Variants in PCDH11X observed in about 807,000 individuals in gnomAD.
PCDH11X encodes protocadherin-11 X-linked.
In PCDH11X, 18 loss-of-function variants were observed where a neutral mutation model predicts 53.3. The ratio of observed to expected loss-of-function variants is 0.34; its 90% confidence interval spans 0.23 to 0.50. PCDH11X has a LOEUF of 0.50. PCDH11X is among the 20% of genes least tolerant of loss of function. The pLI, the probability that PCDH11X is intolerant of heterozygous loss-of-function variation, is 0.98. For synonymous variants in PCDH11X, 279 were observed against 393.3 expected (o/e 0.71, Z 3.44); for missense variants, 570 against 1,032.4 (o/e 0.55, Z 6.14).
At chrX:92,255,131 T>C (rs1328189752) in intron 7 of PCDH11X, among the ~76,000 whole-genome samples, 2 of 106,683 alleles carry the variant, frequency 1.9e-5, no homozygotes, top group African/African-American at 6.9e-5. Context: ...TTGGAGGCTT[T>C]GCTCGTTTCT....
intron 6 of PCDH11X, among the ~76,000 whole-genome samples, chrX:92,110,491 T>G (rs1231554478): frequency 9.3e-6 from 1 of 107,417 alleles, no homozygotes; most frequent in African/African-American, 3.5e-5. Flanking sequence ...GGCTCCAAAT[T>G]TAAAGGGGAA....
intron 1 of PCDH11X, among the ~76,000 whole-genome samples, chrX:91,784,625 C>T (rs1935268974): frequency 8.9e-6 from 1 of 111,874 alleles, no homozygotes; most frequent in African/African-American, 3.3e-5. Context: ...ATTTTACCCA[C>T]TTCAGCCTTC....
At position 92,366,373 on chromosome X, in the gene PCDH11X, C is replaced by T. The variant is rs2070472736; in HGVS notation, c.3145-21362C>T. Among the ~76,000 whole-genome samples, 4 of 110,293 alleles carry T rather than the reference C, an allele frequency of 3.6e-5. No individual in the cohort carries two copies. In the Admixed American group the frequency reaches 3.9e-4, roughly 11 times the overall value. ...TTTATTATGTCTACCTGATTCTTCT[C>T]TCTTTTCTTCCTTACTAGTCTAGCT... On this transcript the variant is annotated intron_variant, in intron 8 of 10. Coordinates refer to ENST00000682573, the MANE Select transcript of PCDH11X (RefSeq NM_032968.5).
chrX:91,940,196 G>A (rs962775604), intron 6 of PCDH11X, among the ~76,000 whole-genome samples: 5 of 110,497 alleles, frequency 4.5e-5, no homozygotes, highest in Admixed American at 9.6e-5. Flanking sequence ...TTCAACTTCC[G>A]CCATGATTGT....
At chrX:92,300,693 G>A (rs1005146084) in intron 8 of PCDH11X, among the ~76,000 whole-genome samples, 2 of 111,406 alleles carry the variant, frequency 1.8e-5, no homozygotes, top group African/African-American at 6.5e-5. Context: ...TGGCCAGGCC[G>A]GTCTCTAACT....
rs755679647 is a variant in PCDH11X at position 92,402,825 on chromosome X, G to C, written c.3343+14892G>C. 2.2e-4 allele frequency among the ~76,000 whole-genome samples: 24 copies of C among 111,590 alleles called. No homozygotes were observed. The South Asian group carries it at 8.2e-3, about 38-fold the overall frequency. On this transcript the variant is annotated intron_variant, in intron 9 of 10. Transcript: ENST00000682573. ...GCACAGCAAAATAACTATCAATAGA[G>C]TAAACAGACAACTTAAACAGCATCT... is the stretch of plus-strand genomic sequence containing the variant.
intron 7 of PCDH11X, among the ~76,000 whole-genome samples, chrX:92,217,659 A>G (rs2066751961): frequency 9.7e-6 from 1 of 103,261 alleles, no homozygotes; most frequent in Non-Finnish European, 2.0e-5. Flanking sequence ...CAGAAAGTTA[A>G]CAAGGATACC....
chrX:92,058,203 G>T (rs764910558), intron 6 of PCDH11X, among the ~76,000 whole-genome samples: 4 of 108,785 alleles, frequency 3.7e-5, no homozygotes, highest in Non-Finnish European at 7.6e-5. Context: ...AGGGCTGGTG[G>T]TGCAAGATGA....
intron 7 of PCDH11X, among the ~76,000 whole-genome samples, chrX:92,217,031 C>T (rs994215388): frequency 1.8e-5 from 2 of 111,102 alleles, no homozygotes; most frequent in Non-Finnish European, 3.8e-5. Context: ...CAGGCCTTCT[C>T]TAAAAGAGCT....
chrX:92,331,615 C>T (rs1453822942), intron 8 of PCDH11X, among the ~76,000 whole-genome samples: 2 of 110,168 alleles, frequency 1.8e-5, no homozygotes, highest in South Asian at 3.8e-4. Context: ...ACCAAATTTT[C>T]TGTTACAAAT....
intron 6 of PCDH11X, among the ~76,000 whole-genome samples, chrX:92,025,449 GA>G (rs1266051405): frequency 3.8e-4 from 37 of 97,179 alleles, no homozygotes; most frequent in Admixed American, 1.2e-3. Flanking sequence ...ACAACCTTAT[GA>G]AAAAAAGATC....
chrX:92,345,278 A>G (rs1246567759), intron 8 of PCDH11X, among the ~76,000 whole-genome samples: 5 of 110,849 alleles, frequency 4.5e-5, no homozygotes, highest in African/African-American at 1.6e-4. Flanking sequence ...CTTGCTTCTC[A>G]GAAACATGAA....
intron 8 of PCDH11X, among the ~76,000 whole-genome samples, chrX:92,383,315 A>G (rs1226067281): frequency 2.3e-5 from 1 of 42,818 alleles, no homozygotes; most frequent in Non-Finnish European, 4.7e-5. Flanking sequence ...AAAACTGTAG[A>G]TAAATGTTTT....
At chrX:92,144,489 T>C (rs1337650971) in intron 6 of PCDH11X, among the ~76,000 whole-genome samples, 1 of 111,351 alleles carries the variant, frequency 9.0e-6, no homozygotes, top group Non-Finnish European at 1.9e-5. Context: ...TTTTCCGCTT[T>C]TGCTTCTTCC....
intron 6 of PCDH11X, among the ~76,000 whole-genome samples, chrX:92,059,108 T>A (rs1415170825): frequency 9.4e-6 from 1 of 106,184 alleles, no homozygotes; most frequent in Non-Finnish European, 1.9e-5. Flanking sequence ...TCTGTGTGTC[T>A]AATAAATTTT....
At chrX:92,437,035 T>C (rs2072395518) in intron 9 of PCDH11X, among the ~76,000 whole-genome samples, 1 of 109,989 alleles carries the variant, frequency 9.1e-6, no homozygotes, top group Admixed American at 9.7e-5. Flanking sequence ...AGATAAATGA[T>C]TGAGGGGATG....
In PCDH11X at chrX:92,548,445, G is replaced by C. The variant is rs1602307009; in HGVS notation, c.3368-69819G>C. 2.7e-5 allele frequency among the ~76,000 whole-genome samples: 3 copies of C among 111,864 alleles called. No individual in the cohort carries two copies. The Admixed American group carries it at 2.9e-4, about 11-fold the overall frequency. On this transcript the variant is annotated intron_variant, in intron 10 of 10. Coordinates refer to ENST00000682573, the MANE Select transcript of PCDH11X (RefSeq NM_032968.5). ...TTCAGCTTCCCAAAGTGCTGGGATT[G>C]CAGGCATGAGCCATCGCACGCAGCC...
At chrX:92,242,642 G>T (rs1041529970) in intron 7 of PCDH11X, among the ~76,000 whole-genome samples, 1 of 111,496 alleles carries the variant, frequency 9.0e-6, no homozygotes, top group African/African-American at 3.3e-5. Flanking sequence ...AATGTCCAAA[G>T]GTGTAATTGC....
chrX:92,472,937 G>C (rs1242964203), intron 10 of PCDH11X, among the ~76,000 whole-genome samples: 1 of 109,839 alleles, frequency 9.1e-6, no homozygotes, highest in Non-Finnish European at 1.9e-5. Flanking sequence ...TTGATGTATA[G>C]GAATGCCAGC....
Sources: allele counts gnomAD v4.1 joint callset (sites outside exome capture counted in the v4.1 genomes callset), GRCh38; gene constraint gnomAD v4.1.1; transcripts MANE v1.5; gene names NCBI Gene and HGNC (gene_info 2026-07-23, HGNC 2026-07-21).